The following NUP153 variants were observed in gnomAD, a reference collection of about 807,000 sequenced individuals.
The protein encoded by NUP153 is nucleoporin 153, also known as nuclear pore complex protein Nup153.
NUP153 carries 27 observed loss-of-function variants against 134.6 expected under a neutral mutation model. The observed-to-expected ratio is 0.20, with a 90% CI of 0.15 to 0.28. The LOEUF (loss-of-function observed/expected upper bound fraction) is 0.28, where lower values mean the gene tolerates loss of function less well. Among genes scored for constraint, NUP153 ranks in the 10% least tolerant of loss-of-function variants. The pLI is 1.00. For missense variants in NUP153, 1,821 were observed against 1,731.3 expected (o/e 1.05, Z -0.92); for synonymous variants, 640 against 623.5 (o/e 1.03, Z -0.40).
At chr6:17,659,555 C>A (rs1423942333) in intron 11 of NUP153, among the ~76,000 whole-genome samples, 1 of 152,188 alleles carries the variant, frequency 6.6e-6, no homozygotes, top group East Asian at 1.9e-4. Context: ...TCACTGCAAC[C>A]TCCACCTCCA....
At chr6:17,652,466 G>A (rs902300198) in intron 11 of NUP153, among the ~76,000 whole-genome samples, 2 of 151,834 alleles carry the variant, frequency 1.3e-5, no homozygotes, top group Non-Finnish European at 2.9e-5. Context: ...AACTATAAAA[G>A]CAAAATTACA....
At position 17,615,649 on chromosome 6, in the gene NUP153, T is replaced by C. The variant is rs555040374; in HGVS notation, c.*448A>G. 2 of 153,716 alleles carry C rather than the reference T, an allele frequency of 1.3e-5. No individual in the cohort carries two copies. The highest frequency in any genetic ancestry group is 6.5e-5 in the Admixed American group (1 of 15,354). 9.5% of individuals were successfully genotyped at this position (153,716 alleles called of 1,614,324 possible). On this transcript the variant is annotated 3_prime_UTR_variant, in exon 22 of 22. Coordinates refer to ENST00000262077, the MANE Select transcript of NUP153 (RefSeq NM_005124.4). This position sits in a 1 kb window ranked among gnomAD's most constrained non-coding sequence, Gnocchi z 5.7. ...CACATACACCAGCACAAACTCAGCA[T>C]AGAAATCATCCGTTTCAACACTCTC...
chr6:17,642,943 T>C (rs1436667723), intron 14 of NUP153, among the ~76,000 whole-genome samples: 1 of 152,220 alleles, frequency 6.6e-6, no homozygotes, highest in African/African-American at 2.4e-5. Context: ...TGTATGATTC[T>C]ACTTACATGA....
chr6:17,616,988 G>C (rs924545166), intron 20 of NUP153, among the ~76,000 whole-genome samples: 11 of 152,196 alleles, frequency 7.2e-5, no homozygotes, highest in Non-Finnish European at 1.5e-5. Flanking sequence ...CTGACCTTGT[G>C]ATCTGTCCAC....
chr6:17,634,459 C>CA (rs980841299), intron 16 of NUP153, among the ~76,000 whole-genome samples: 10 of 150,806 alleles, frequency 6.6e-5, no homozygotes, highest in Middle Eastern at 3.4e-3. Context: ...TTTTTTGAGA[C>CA]AGAGTCTCAC....
intron 11 of NUP153, among the ~76,000 whole-genome samples, chr6:17,655,324 TAA>T (rs898285834): frequency 6.6e-6 from 1 of 152,226 alleles, no homozygotes; most frequent in Non-Finnish European, 1.5e-5. Context: ...CCATTCCTGC[TAA>T]ATAGCAACAC....
intron 2 of NUP153, among the ~76,000 whole-genome samples, chr6:17,682,350 G>A (rs1390968344): frequency 6.6e-6 from 1 of 152,156 alleles, no homozygotes; most frequent in African/African-American, 2.4e-5. Flanking sequence ...TGACTGATCA[G>A]GGTGATGAGT....
chr6:17,687,313 G>A (rs1768991569), intron 2 of NUP153, among the ~76,000 whole-genome samples: 1 of 152,054 alleles, frequency 6.6e-6, no homozygotes, highest in South Asian at 2.1e-4. Context: ...GAAACAGAGG[G>A]GGGAAAACAG....
chr6:17,670,971 C>T (rs114817846), intron 5 of NUP153, among the ~76,000 whole-genome samples: 2,065 of 152,000 alleles, frequency 0.014, 22 homozygotes, highest in Non-Finnish European at 0.024. Flanking sequence ...CAACTGCAAC[C>T]GGCTAATTTT....
At chr6:17,626,198 C>A (rs1255883812) in intron 18 of NUP153, 34 bp from the exon 19 acceptor site, 1 of 1,524,290 alleles carries the variant, frequency 6.6e-7, no homozygotes, top group East Asian at 2.3e-5. Context: ...AAACATAAAT[C>A]CTTAAGAATA....
chr6:17,637,285 T>C lies in NUP153; in HGVS notation c.2332A>G (p.Thr778Ala), dbSNP rs770086707. The C allele has an allele frequency of 3.1e-6, 5 of 1,614,190 alleles. No homozygotes were observed. Among genetic ancestry groups the C allele is most frequent in the East Asian group, 2.2e-5 (1 of 44,892 alleles). The change falls in exon 16 of 22, where the codon ACT becomes GCT. Residue 778 changes from threonine to alanine, a missense_variant. Transcript: ENST00000262077. ...ETMTASSSSC[T>A]VTTGTLGFGD... ...AATCCTAAGGTACCAGTGGTTACAG[T>C]GCAGCTGGAAGATGAAGCAGTCATA... is the stretch of plus-strand genomic sequence containing the variant.
chr6:17,703,483 A>C (rs1770258585), intron 1 of NUP153, among the ~76,000 whole-genome samples: 1 of 152,120 alleles, frequency 6.6e-6, no homozygotes, highest in Non-Finnish European at 1.5e-5. Context: ...TTGGACACTT[A>C]ATCAAATAAC....
At position 17,625,705 on chromosome 6, in the gene NUP153, C is replaced by T. The variant is rs75117390; in HGVS notation, c.3901+103G>A. On this transcript the variant is annotated intron_variant, in intron 19 of 21. Coordinates refer to ENST00000262077, the MANE Select transcript of NUP153 (RefSeq NM_005124.4). The surrounding 1 kb of genome is among the most constrained non-coding windows in gnomAD (Gnocchi z 4.7). ...TGGTATAGATGACCAAAAGGCATTC[C>T]CACCATTTTGTGATAACCTGCTATA... The T allele has an allele frequency of 0.07, 61,763 of 877,504 alleles. 2,626 individuals carry two copies. Among genetic ancestry groups the T allele is most frequent in the Non-Finnish European group, 0.081 (44,385 of 545,086 alleles). 54.4% of individuals were successfully genotyped at this position (877,504 alleles called of 1,614,324 possible).
intron 11 of NUP153, among the ~76,000 whole-genome samples, chr6:17,660,667 A>C (rs1301207035): frequency 6.6e-6 from 1 of 152,112 alleles, no homozygotes; most frequent in African/African-American, 2.4e-5. Flanking sequence ...ATGTCCAAAA[A>C]ACACACAAAA....
intron 12 of NUP153, among the ~76,000 whole-genome samples, chr6:17,648,483 G>A (rs1205738113): frequency 5.9e-5 from 9 of 152,116 alleles, no homozygotes; most frequent in African/African-American, 2.2e-4. Flanking sequence ...CGGGCATGGT[G>A]GTGCGCACCT....
intron 11 of NUP153, among the ~76,000 whole-genome samples, chr6:17,652,400 C>T (rs1036368958): frequency 1.7e-4 from 26 of 151,964 alleles, no homozygotes; most frequent in African/African-American, 5.1e-4. Flanking sequence ...TTAGGAAATT[C>T]AATACATTTC....
intron 13 of NUP153, among the ~76,000 whole-genome samples, chr6:17,646,509 A>C (rs188317293): frequency 6.6e-6 from 1 of 152,214 alleles, no homozygotes; most frequent in East Asian, 1.9e-4. Flanking sequence ...CCTGGCCCAA[A>C]TATAGAGGTT....
chr6:17,691,863 G>A (rs1300430752), intron 1 of NUP153, among the ~76,000 whole-genome samples: 3 of 152,140 alleles, frequency 2.0e-5, no homozygotes, highest in Non-Finnish European at 4.4e-5. Context: ...CAGGTAGAGT[G>A]CAATGGCACG....
intron 5 of NUP153, among the ~76,000 whole-genome samples, chr6:17,673,858 T>C (rs1451822403): frequency 1.3e-5 from 2 of 152,216 alleles, no homozygotes; most frequent in South Asian, 2.1e-4. Context: ...TCCTAGGTAT[T>C]TGTATTTACC....
Sources: allele counts gnomAD v4.1 joint callset (sites outside exome capture counted in the v4.1 genomes callset), GRCh38; gene constraint gnomAD v4.1.1; non-coding constraint Gnocchi (gnomAD v3.1); transcripts MANE v1.5; gene names NCBI Gene and HGNC (gene_info 2026-07-23, HGNC 2026-07-21).